XKR4: variants seen among roughly 807,000 people sequenced by gnomAD.
The protein encoded by XKR4 is XK related 4.
XKR4 carries 12 observed loss-of-function variants against 53.9 expected under a neutral mutation model. That is an observed-to-expected ratio of 0.22 (90% CI 0.14 to 0.36). The LOEUF is 0.36. XKR4 is among the 10% of genes least tolerant of loss of function. XKR4 has a pLI of 1.00. For synonymous variants in XKR4, 354 were observed against 362.4 expected (o/e 0.98, Z 0.26); for missense variants, 799 against 859.5 (o/e 0.93, Z 0.88).
chr8:55,436,860 C>T (rs2658914), intron 2 of XKR4, among the ~76,000 whole-genome samples: 84,382 of 151,962 alleles, frequency 0.56, 24,988 homozygotes, highest in African/African-American at 0.76. Context: ...CACAGAGGGC[C>T]CGGTAGCTGG....
chr8:55,499,140 T>G (rs1806399821), intron 2 of XKR4, among the ~76,000 whole-genome samples: 1 of 152,244 alleles, frequency 6.6e-6, no homozygotes, highest in African/African-American at 2.4e-5. Context: ...GACTGACTTC[T>G]AGATAGTAAT....
At chr8:55,515,736 C>T (rs1288659934) in intron 2 of XKR4, among the ~76,000 whole-genome samples, 1 of 152,176 alleles carries the variant, frequency 6.6e-6, no homozygotes, top group Non-Finnish European at 1.5e-5. Context: ...AAAATTGATC[C>T]TTTGGCCTTG....
chr8:55,204,407 T>C (rs939525371), intron 1 of XKR4, among the ~76,000 whole-genome samples: 41 of 152,316 alleles, frequency 2.7e-4, no homozygotes, highest in African/African-American at 9.6e-4. Flanking sequence ...TTTTAAATAA[T>C]TGTGATAAAA....
At chr8:55,220,677 C>T (rs1440274845) in intron 1 of XKR4, among the ~76,000 whole-genome samples, 2 of 152,168 alleles carry the variant, frequency 1.3e-5, no homozygotes, top group Non-Finnish European at 2.9e-5. Flanking sequence ...CAAACCCAGC[C>T]AGTTTGGTTT....
chr8:55,265,195 A>G (rs1468304485), intron 1 of XKR4, among the ~76,000 whole-genome samples: 1 of 152,220 alleles, frequency 6.6e-6, no homozygotes, highest in East Asian at 1.9e-4. Context: ...TTCCTGGTGA[A>G]GATGCACCAT....
chr8:55,356,848 C>T (rs1803802630), intron 1 of XKR4, among the ~76,000 whole-genome samples: 1 of 152,142 alleles, frequency 6.6e-6, no homozygotes, highest in African/African-American at 2.4e-5. Flanking sequence ...GCAAAACCAA[C>T]CCCTCCTCTT....
chr8:55,404,295 GTAGA>G (rs1804654917), intron 2 of XKR4, among the ~76,000 whole-genome samples: 1 of 152,096 alleles, frequency 6.6e-6, no homozygotes, highest in East Asian at 1.9e-4. Flanking sequence ...AATAGATAAG[GTAGA>G]TAATCACATG....
intron 1 of XKR4, among the ~76,000 whole-genome samples, chr8:55,335,829 A>G (rs1803451661): frequency 1.3e-5 from 2 of 152,170 alleles, no homozygotes; most frequent in Non-Finnish European, 2.9e-5. Context: ...TCAAAATGTT[A>G]TACACCATAT....
intron 2 of XKR4, among the ~76,000 whole-genome samples, chr8:55,455,480 A>G (rs1585583485): frequency 6.6e-6 from 1 of 152,296 alleles, no homozygotes; most frequent in African/African-American, 2.4e-5. Flanking sequence ...CTTTGGTGCT[A>G]GAGGGGGCTG....
At chr8:55,413,730 G>A (rs1304380901) in intron 2 of XKR4, among the ~76,000 whole-genome samples, 1 of 152,134 alleles carries the variant, frequency 6.6e-6, no homozygotes, top group African/African-American at 2.4e-5. Context: ...TGCCACTCAA[G>A]CGATATTGAT....
At chr8:55,186,393 T>C (rs937218317) in intron 1 of XKR4, among the ~76,000 whole-genome samples, 31 of 152,288 alleles carry the variant, frequency 2.0e-4, no homozygotes, top group Admixed American at 3.9e-4. Flanking sequence ...CTGTGGCTCA[T>C]GCCTGTAATT....
chr8:55,322,209 T>A (rs901865404), intron 1 of XKR4, among the ~76,000 whole-genome samples: 1 of 152,234 alleles, frequency 6.6e-6, no homozygotes, highest in African/African-American at 2.4e-5. Context: ...TATAAATGGA[T>A]TCACGTTGCA....
intron 2 of XKR4, among the ~76,000 whole-genome samples, chr8:55,360,022 C>G (rs1803876413): frequency 6.6e-6 from 1 of 152,142 alleles, no homozygotes; most frequent in Non-Finnish European, 1.5e-5. Context: ...TGTCAAGTTT[C>G]AGAATGGCGT....
chr8:55,109,308 A>G (rs960718247), intron 1 of XKR4, among the ~76,000 whole-genome samples: 2 of 152,194 alleles, frequency 1.3e-5, no homozygotes, highest in African/African-American at 4.8e-5. Flanking sequence ...GATAATCTCC[A>G]TCATAACATG....
intron 2 of XKR4, among the ~76,000 whole-genome samples, chr8:55,480,079 C>A (rs1231794843): frequency 1.3e-5 from 2 of 152,172 alleles, no homozygotes; most frequent in Admixed American, 6.5e-5. Flanking sequence ...GATACCAAAG[C>A]CTGGCAGAGA....
intron 2 of XKR4, among the ~76,000 whole-genome samples, chr8:55,476,794 G>T (rs1311831094): frequency 6.6e-6 from 1 of 152,102 alleles, no homozygotes; most frequent in African/African-American, 2.4e-5. Context: ...TGCTCAGATT[G>T]CTAGCACAGC....
chr8:55,457,006 A>G (rs980801500), intron 2 of XKR4, among the ~76,000 whole-genome samples: 18 of 102,106 alleles, frequency 1.8e-4, no homozygotes, highest in African/African-American at 7.9e-4. Flanking sequence ...AGAAATACAA[A>G]GAGAAAATCT....
At chr8:55,306,266 T>C (rs1758342170) in intron 1 of XKR4, among the ~76,000 whole-genome samples, 1 of 152,210 alleles carries the variant, frequency 6.6e-6, no homozygotes, top group South Asian at 2.1e-4. Context: ...TGTACTTTGC[T>C]ATTTAGCATC....
intron 2 of XKR4, among the ~76,000 whole-genome samples, chr8:55,382,200 A>G (rs1804244717): frequency 6.6e-6 from 1 of 152,234 alleles, no homozygotes; most frequent in Non-Finnish European, 1.5e-5. Flanking sequence ...TTAGTAGAAG[A>G]ACTTAAACTA....
Sources: gnomAD v4.1 joint callset for allele counts (sites outside exome capture counted in the v4.1 genomes callset) on GRCh38, gnomAD v4.1.1 for gene constraint, MANE v1.5 for transcripts, NCBI Gene and HGNC (gene_info 2026-07-23, HGNC 2026-07-21) for gene names.